The following ACTN2 variants were observed in gnomAD, a reference collection of about 807,000 sequenced individuals.
The protein encoded by ACTN2 is alpha-actinin-2.
A neutral mutation model predicts 113.8 loss-of-function variants in ACTN2; 39 were observed. The observed-to-expected ratio is 0.34, with a 90% confidence interval of 0.27 to 0.45. The LOEUF (loss-of-function observed/expected upper bound fraction) is 0.45. Among genes scored for constraint, ACTN2 ranks in the 20% least tolerant of loss-of-function variants. The pLI is 1.00. For missense variants in ACTN2, 992 were observed against 1,177.9 expected (o/e 0.84, Z 2.31); for synonymous variants, 429 against 444.1 (o/e 0.97, Z 0.43).
intron 15 of ACTN2, 149 bp downstream of exon 15, chr1:236,751,801 C>T (rs1177551175): frequency 1.7e-5 from 16 of 916,248 alleles, no homozygotes; most frequent in Middle Eastern, 3.2e-4. Context: ...ACAGGCAAAA[C>T]GTGACAAACT....
intron 9 of ACTN2, among the ~76,000 whole-genome samples, chr1:236,737,759 T>C (rs1658935700): frequency 1.3e-5 from 2 of 152,162 alleles, no homozygotes; most frequent in African/African-American, 4.8e-5. Context: ...TGAGTTTCTG[T>C]GGTGCCTTTC....
rs143503774 is a variant in ACTN2 at position 236,759,614 on chromosome 1, C to T, written c.2302-110C>T. The T allele has an allele frequency of 2.8e-4, 251 of 899,852 alleles. 1 individual carries two copies. The highest frequency in any genetic ancestry group is 1.7e-3 in the South Asian group (128 of 75,060). The allele number at this position is 899,852 out of a possible 1,614,324, so 55.7% of individuals were successfully genotyped here. On this transcript the variant is annotated intron_variant, in intron 18 of 20. Transcript: ENST00000366578. ...GCAAGTCAGTGGTGACATTTACGAC[C>T]TTGGCAGAGCTCAAAGTGCTTCTCT...
At chr1:236,740,401 ACC>A (rs1659034273) in intron 10 of ACTN2, among the ~76,000 whole-genome samples, 1 of 151,562 alleles carries the variant, frequency 6.6e-6, no homozygotes. Context: ...GGCGTGAGCC[ACC>A]ACGCCCAGCC....
chr1:236,739,325 G>A lies in ACTN2; in HGVS notation c.900G>A (p.Thr300=), dbSNP rs762933298. ...ASELLEWIRR[T]IPWLENRTPE... ...AGCTTTTGGAATGGATTCGTCGCAC[G>A]ATCCCCTGGCTGGAGAACCGGACTC... is the stretch of plus-strand genomic sequence containing the variant. The change falls in exon 10 of 21, where the codon ACG becomes ACA. Residue 300 remains threonine, a synonymous_variant. Transcript: ENST00000366578. 6.8e-6 allele frequency: 11 copies of A among 1,613,944 alleles called. No individual in the cohort carries two copies. The East Asian group carries it at 1.3e-4, about 20-fold the overall frequency.
chr1:236,742,832 G>C, intron 10 of ACTN2, 64 bp from the exon 11 acceptor site: 1 of 1,605,144 alleles, frequency 6.2e-7, no homozygotes, highest in Admixed American at 1.7e-5. Context: ...AGAAGCCTGA[G>C]AGGCCAGAAT....
At chr1:236,710,717 C>T (rs1251112925) in intron 1 of ACTN2, among the ~76,000 whole-genome samples, 1 of 152,132 alleles carries the variant, frequency 6.6e-6, no homozygotes, top group Non-Finnish European at 1.5e-5. Context: ...CCCCATTGCC[C>T]GAATTACCAC....
intron 1 of ACTN2, among the ~76,000 whole-genome samples, chr1:236,703,433 CTTTTTTTTTTT>C (rs35432183): frequency 1.3e-4 from 13 of 98,838 alleles, no homozygotes; most frequent in Admixed American, 2.1e-4. Flanking sequence ...GGCCTACTAC[CTTTTTTTTTTT>C]TTTTTTTTTT....
chr1:236,717,180 A>G (rs1481806714), intron 1 of ACTN2, among the ~76,000 whole-genome samples: 1 of 151,802 alleles, frequency 6.6e-6, no homozygotes, highest in Non-Finnish European at 1.5e-5. Flanking sequence ...ATGGTGGCTC[A>G]TGCCTGTAAT....
Position 236,754,129 on chromosome 1 carries a change from C to G in ACTN2, c.1974+48C>G. ...GCTGTTCACAAGCCTTGCGATAAGTCCCTTTAGCCACGCAGCAGTGACACC... is the reference window on the plus strand; with the variant it reads ...GCTGTTCACAAGCCTTGCGATAAGTGCCTTTAGCCACGCAGCAGTGACACC... On this transcript the variant is annotated intron_variant, in intron 16 of 20. Coordinates refer to ENST00000366578, the MANE Select transcript of ACTN2 (RefSeq NM_001103.4). The surrounding 1 kb of genome is among the most constrained non-coding windows in gnomAD (Gnocchi z 4.9). 1 of 1,608,998 alleles carries G rather than the reference C, an allele frequency of 6.2e-7. No individual in the cohort carries two copies. Among genetic ancestry groups the G allele is most frequent in the Non-Finnish European group, 8.5e-7 (1 of 1,179,760 alleles).
At chr1:236,688,258 G>A (rs1400641467) in intron 1 of ACTN2, among the ~76,000 whole-genome samples, 2 of 151,918 alleles carry the variant, frequency 1.3e-5, no homozygotes, top group East Asian at 1.9e-4. Flanking sequence ...GATAACTCCC[G>A]GGTCTTTGTT....
intron 7 of ACTN2, 137 bp downstream of exon 7, chr1:236,731,451 C>T (rs1016533556): frequency 1.4e-6 from 1 of 697,012 alleles, no homozygotes; most frequent in African/African-American, 1.8e-5. Context: ...ATTTCTGTCA[C>T]TGGCCACATA....
chr1:236,716,614 G>A (rs900543732), intron 1 of ACTN2, among the ~76,000 whole-genome samples: 9 of 152,058 alleles, frequency 5.9e-5, no homozygotes, highest in African/African-American at 1.9e-4. Context: ...GATCCAGGAT[G>A]TAGTCCAGTG....
intron 9 of ACTN2, 57 bp from the exon 10 acceptor site, chr1:236,739,244 TA>T: frequency 1.3e-6 from 2 of 1,546,940 alleles, no homozygotes; most frequent in Admixed American, 1.7e-5. Flanking sequence ...TTTTTTTTTT[TA>T]ACTGGGGGAG....
chr1:236,725,701 C>CT (rs1341145826), intron 4 of ACTN2, among the ~76,000 whole-genome samples: 1 of 152,250 alleles, frequency 6.6e-6, no homozygotes, highest in African/African-American at 2.4e-5. Flanking sequence ...GTTTTAGTGT[C>CT]TTTTTATGTT....
rs372356643 is a variant in ACTN2, at chr1:236,727,798, G to A, written c.615+42G>A. On this transcript the variant is annotated intron_variant, in intron 6 of 20. Transcript: ENST00000366578. ...TGGCATGCAGTGTCCCCAGCCACGC[G>A]TCTCAGCATGTCCTGCAAATGAGCA... is the stretch of plus-strand genomic sequence containing the variant. 1.3e-3 allele frequency: 2,114 copies of A among 1,584,354 alleles called. 12 individuals carry two copies. The highest frequency in any genetic ancestry group is 5.0e-3 in the Middle Eastern group (30 of 5,994).
At chr1:236,717,730 C>T in intron 1 of ACTN2, 128 bp from the exon 2 acceptor site, 1 of 721,626 alleles carries the variant, frequency 1.4e-6, no homozygotes, top group South Asian at 1.5e-5. Context: ...ATTCTGCATC[C>T]TCTAGAAGCC....
At chr1:236,709,069 G>A (rs1657918473) in intron 1 of ACTN2, among the ~76,000 whole-genome samples, 2 of 151,574 alleles carry the variant, frequency 1.3e-5, no homozygotes, top group African/African-American at 4.8e-5. Flanking sequence ...AGCATTTTTA[G>A]AACAGCAGTT....
Position 236,716,093 on chromosome 1 carries a change from CTTCTTCT to C in ACTN2, c.127-1762_127-1756del, listed in dbSNP as rs1368336975. 6.1e-4 allele frequency among the ~76,000 whole-genome samples: 71 copies of C among 115,966 alleles called. No homozygotes were observed. In the South Asian group the frequency reaches 0.021, roughly 35 times the overall value. 76.1% of individuals were successfully genotyped at this position (115,966 alleles called of 152,430 possible). A position where few individuals can be genotyped will look rare whatever the true frequency, so the allele number is the denominator to read the frequency against. ...TTACTGTAAATCCAAAAAATCCCTT[CTTCTTCT>C]TTTTTTTTTTTTTTTTGGTCCTTGA... On this transcript the variant is annotated intron_variant, in intron 1 of 20. Coordinates refer to ENST00000366578, the MANE Select transcript of ACTN2 (RefSeq NM_001103.4).
At chr1:236,750,592 C>T (rs900225029) in intron 14 of ACTN2, among the ~76,000 whole-genome samples, 9 of 152,122 alleles carry the variant, frequency 5.9e-5, no homozygotes, top group African/African-American at 1.4e-4. Flanking sequence ...GTCTTTGAGC[C>T]GCTGAATTTG....
Sources: gnomAD v4.1 joint callset for allele counts (sites outside exome capture counted in the v4.1 genomes callset) on GRCh38, gnomAD v4.1.1 for gene constraint, Gnocchi (gnomAD v3.1) non-coding constraint, MANE v1.5 for transcripts, NCBI Gene and HGNC (gene_info 2026-07-23, HGNC 2026-07-21) for gene names.